ADM2: variants seen among roughly 807,000 people sequenced by gnomAD.
The protein encoded by ADM2 is protein ADM2.
In ADM2, 5 loss-of-function variants were observed where a neutral mutation model predicts 7.1. The ratio of observed to expected loss-of-function variants is 0.71; its 90% CI spans 0.37 to 1.49. The LOEUF is 1.49. Ranked by LOEUF, ADM2 falls within the 40% of genes most tolerant of loss-of-function variation. The pLI is 0.03. For synonymous variants in ADM2, 123 were observed against 92.8 expected (o/e 1.33, Z -1.87); for missense variants, 236 against 211.2 (o/e 1.12, Z -0.73).
In ADM2 at chr22:50,482,706, G is replaced by A; in HGVS notation, c.250G>A (p.Asp84Asn). The A allele has an allele frequency of 6.2e-7, 1 of 1,605,754 alleles. No individual in the cohort carries two copies. Among genetic ancestry groups the A allele is most frequent in the African/African-American group, 1.3e-5 (1 of 74,926 alleles). ...CCCTGTTATGGGTCAGCCTCTCCGGGATGGTGGCCGCCAACACTCGGGCCC... is the reference window on the plus strand; with the variant it reads ...CCCTGTTATGGGTCAGCCTCTCCGGAATGGTGGCCGCCAACACTCGGGCCC... ...LAPVMGQPLR[D>N]GGRQHSGPRR... The change falls in exon 3 of 3, where the codon GAT (aspartate) becomes AAT (asparagine). Residue 84 changes from aspartate (D) to asparagine (N), a missense_variant. Physicochemically the swap from Asp to Asn is conservative, Grantham distance 23. Coordinates refer to ENST00000395737, the MANE Select transcript of ADM2 (RefSeq NM_001253845.2).
rs549934034 is a variant in ADM2 at position 50,481,907 on chromosome 22, T to A, written c.60T>A (p.Pro20=). 8.4e-5 allele frequency: 129 copies of A among 1,534,872 alleles called. 3 individuals carry two copies. In the South Asian group the frequency reaches 1.4e-3, roughly 17 times the overall value. ...TCAGCCTCCTCTGCCTGCAGCTCCC[T>A]GGCTCGCTGTCCCGCAGCCTGGGCG... ...GCISLLCLQL[P]GSLSRSLGGD... Residue 20 remains proline (P), a synonymous_variant, in exon 2 of 3, where the codon CCT becomes CCA. Coordinates refer to ENST00000395737, the MANE Select transcript of ADM2 (RefSeq NM_001253845.2).
At position 50,482,887 on chromosome 22, in the gene ADM2, C is replaced by A. The variant is rs765964730; in HGVS notation, c.431C>A (p.Pro144His). ...TCAGCTCCTGTGGACCCCAGCAGCCCCCACAGCTATGGCTGAGGTGGGGCC... is the reference window on the plus strand; with the variant it reads ...TCAGCTCCTGTGGACCCCAGCAGCCACCACAGCTATGGCTGAGGTGGGGCC... ...QDSAPVDPSS[P>H]HSYG The change falls in exon 3 of 3, where the codon CCC becomes CAC. Residue 144 changes from proline to histidine, a missense_variant. Pro to His is a moderately conservative substitution (Grantham distance 77). Coordinates refer to ENST00000395737, the MANE Select transcript of ADM2 (RefSeq NM_001253845.2). 1 of 1,600,244 alleles carries A rather than the reference C, an allele frequency of 6.2e-7. No homozygotes were observed. Among genetic ancestry groups the A allele is most frequent in the East Asian group, 2.2e-5 (1 of 44,556 alleles).
rs545702068 is a variant in ADM2, at chr22:50,481,734, C to T, written c.-41C>T. ...GTGCCCAGCTTGCCACGCCCACGCC[C>T]GGCGCCCCGACCGCGGAGGACTCCC... On this transcript the variant is annotated 5_prime_UTR_variant, in exon 1 of 3. Transcript: ENST00000395737. 528 of 611,420 alleles carry T rather than the reference C, an allele frequency of 8.6e-4. 1 individual carries two copies. The African/African-American group carries it at 8.9e-3, about 10-fold the overall frequency. 37.9% of individuals were successfully genotyped at this position (611,420 alleles called of 1,614,324 possible).
chr22:50,482,354 C>G (rs990181531), intron 2 of ADM2, among the ~76,000 whole-genome samples: 2 of 152,128 alleles, frequency 1.3e-5, no homozygotes, highest in African/African-American at 4.8e-5. Flanking sequence ...GGTGCCGGTT[C>G]CCGGGACACG....
At position 50,485,439 on chromosome 22, in the gene ADM2, C is replaced by T. The variant is rs9628167; in HGVS notation, c.*2536C>T. On this transcript the variant is annotated 3_prime_UTR_variant, in exon 3 of 3. Coordinates refer to ENST00000395737, the MANE Select transcript of ADM2 (RefSeq NM_001253845.2). ...CCTATCCAGACACCTTCTCCTGACC[C>T]AGGCACCACCTGCTTTCGGGGCGAT... is the stretch of plus-strand genomic sequence containing the variant. 7,111 of 152,880 alleles carry T rather than the reference C, an allele frequency of 0.047. 416 individuals are homozygous for T. Among genetic ancestry groups the T allele is most frequent in the African/African-American group, 0.13 (5,444 of 41,554 alleles). 9.5% of individuals were successfully genotyped at this position (152,880 alleles called of 1,614,324 possible). A position where few individuals can be genotyped will look rare whatever the true frequency, so the allele number is the denominator to read the frequency against.
Position 50,482,752 on chromosome 22 carries a change from G to A in ADM2, c.296G>A (p.Arg99His), listed in dbSNP as rs560874783. 44 of 1,600,584 alleles carry A rather than the reference G, an allele frequency of 2.7e-5. No individual in the cohort carries two copies. The highest frequency in any genetic ancestry group is 1.7e-4 in the Middle Eastern group (1 of 6,026). The part of the protein sequence containing the change: ...HSGPRRHSGP[R>H]RTQAQLLRVG... ...GGCCCCCGAAGACACTCGGGCCCCC[G>A]CAGGACCCAAGCCCAGCTCCTGCGA... The change falls in exon 3 of 3, where the codon CGC (arginine) becomes CAC (histidine). Residue 99 changes from arginine (R) to histidine (H), a missense_variant. Coordinates refer to ENST00000395737, the MANE Select transcript of ADM2 (RefSeq NM_001253845.2).
chr22:50,482,065 T>A, intron 2 of ADM2, 108 bp downstream of exon 2: 1 of 1,049,932 alleles, frequency 9.5e-7, no homozygotes, highest in Non-Finnish European at 1.4e-6. Context: ...CTGCTAGGAC[T>A]CCCCTCCCAA....
chr22:50,482,478 C>T, intron 2 of ADM2, 89 bp from the exon 3 acceptor site: 1 of 1,426,674 alleles, frequency 7.0e-7, no homozygotes, highest in Non-Finnish European at 9.1e-7. Context: ...CTGGCAGTGA[C>T]CCAGGCCTGT....
chr22:50,482,024 CG>C, intron 2 of ADM2, 67 bp downstream of exon 2: 5 of 1,392,532 alleles, frequency 3.6e-6, no homozygotes, highest in East Asian at 2.8e-5. Context: ...CCGGGGGCCG[CG>C]GGGCCGCCCT....
At position 50,482,872 on chromosome 22, in the gene ADM2, T is replaced by C. The variant is rs1266981653; in HGVS notation, c.416T>C (p.Val139Ala). The C allele has an allele frequency of 6.2e-7, 1 of 1,603,952 alleles. No homozygotes were observed. Among genetic ancestry groups the C allele is most frequent in the Non-Finnish European group, 8.5e-7 (1 of 1,178,590 alleles). Residue 139 changes from valine to alanine, a missense_variant, in exon 3 of 3, where the codon GTG becomes GCG. By Grantham distance (64) the Val-to-Ala change is moderately conservative. Transcript: ENST00000395737. ...GPAGRQDSAP[V>A]DPSSPHSYG ...GCCGGCCGGCAGGACTCAGCTCCTG[T>C]GGACCCCAGCAGCCCCCACAGCTAT... is the stretch of plus-strand genomic sequence containing the variant.
Position 50,481,938 on chromosome 22 carries a change from C to T in ADM2, c.91C>T (p.Pro31Ser). The T allele has an allele frequency of 1.3e-6, 2 of 1,536,744 alleles. No homozygotes were observed. The highest frequency in any genetic ancestry group is 1.8e-6 in the Non-Finnish European group (2 of 1,142,832). ...GSLSRSLGGD[P>S]RPVKPREPPA... ...GCTGTCCCGCAGCCTGGGCGGGGAC[C>T]CGCGACCCGTCAAACCCAGGTGAGT... The change falls in exon 2 of 3, where the codon CCG becomes TCG. Residue 31 changes from proline to serine, a missense_variant. Physicochemically the swap from Pro to Ser is moderately conservative, Grantham distance 74. Transcript: ENST00000395737.
rs1260227774 is a variant in ADM2 at position 50,481,606 on chromosome 22, C to T, written c.-169C>T. 2 of 248,138 alleles carry T rather than the reference C, an allele frequency of 8.1e-6. No homozygotes were observed. Among genetic ancestry groups the T allele is most frequent in the Non-Finnish European group, 1.5e-5 (2 of 131,850 alleles). 15.4% of individuals were successfully genotyped at this position (248,138 alleles called of 1,614,324 possible). A position where few individuals can be genotyped will look rare whatever the true frequency, so the allele number is the denominator to read the frequency against. On this transcript the variant is annotated 5_prime_UTR_variant, in exon 1 of 3. Transcript: ENST00000395737. ...GGCCGCGACTCCGCTCCAGGCAGGACCCCCAACCCGCCCAGCCCGCTCCGC... is the reference window on the plus strand; with the variant it reads ...GGCCGCGACTCCGCTCCAGGCAGGATCCCCAACCCGCCCAGCCCGCTCCGC...
Position 50,482,847 on chromosome 22 carries a change from G to C in ADM2, c.391G>C (p.Ala131Pro), listed in dbSNP as rs749525166. The change falls in exon 3 of 3, where the codon GCC becomes CCC. Residue 131 changes from alanine to proline, a missense_variant. Transcript: ENST00000395737. Reference protein sequence around the residue: ...SHRLWQLMGPAGRQDSAPVDP... With the variant: ...SHRLWQLMGPPGRQDSAPVDP... The stretch of plus-strand genomic sequence containing the variant: ...CCGCCTGTGGCAACTCATGGGACCG[G>C]CCGGCCGGCAGGACTCAGCTCCTGT... 6.2e-6 allele frequency: 10 copies of C among 1,605,990 alleles called. No individual in the cohort carries two copies. Among genetic ancestry groups the C allele is most frequent in the Non-Finnish European group, 8.5e-6 (10 of 1,178,550 alleles).
rs2068249076 is a variant in ADM2 at position 50,485,137 on chromosome 22, C to A, written c.*2234C>A. ...TGAGCTGAGATTGCGCCATTGCACT[C>A]CAGCCTGGGCAACAAGAGCAAAATT... On this transcript the variant is annotated 3_prime_UTR_variant, in exon 3 of 3. Transcript: ENST00000395737. 6.6e-6 allele frequency: 1 copy of A among 152,310 alleles called. No individual in the cohort carries two copies. The highest frequency in any genetic ancestry group is 1.9e-4 in the East Asian group (1 of 5,212). 9.4% of individuals were successfully genotyped at this position (152,310 alleles called of 1,614,324 possible). A position where few individuals can be genotyped will look rare whatever the true frequency, so the allele number is the denominator to read the frequency against.
rs1211393330 is a variant in ADM2, at chr22:50,482,188, C to G, written c.110+231C>G. On this transcript the variant is annotated intron_variant, in intron 2 of 2. Coordinates refer to ENST00000395737, the MANE Select transcript of ADM2 (RefSeq NM_001253845.2). The stretch of plus-strand genomic sequence containing the variant: ...TCCCCACACACATGGGCACAGCAGC[C>G]CCTCTTCTGGGGGTGTCTGCTGGGG... Among the ~76,000 whole-genome samples, 8 of 152,316 alleles carry G rather than the reference C, an allele frequency of 5.3e-5. No homozygotes were observed. The East Asian group carries it at 1.5e-3, about 29-fold the overall frequency.
Position 50,483,520 on chromosome 22 carries a change from T to C in ADM2, c.*617T>C. 1.1e-5 allele frequency: 4 copies of C among 348,004 alleles called. No homozygotes were observed. The highest frequency in any genetic ancestry group is 8.4e-5 in the South Asian group (4 of 47,404). The allele number at this position is 348,004 out of a possible 1,614,324, so 21.6% of individuals were successfully genotyped here. On this transcript the variant is annotated 3_prime_UTR_variant, in exon 3 of 3. Transcript: ENST00000395737. ...CCGAGGTGGCCATGGAGACTCCACC[T>C]GGATCCCCTGTAGGAGGCCAGGGAG...
At chr22:50,482,476 G>A in intron 2 of ADM2, 91 bp from the exon 3 acceptor site, 1 of 1,417,998 alleles carries the variant, frequency 7.1e-7, no homozygotes, top group Non-Finnish European at 9.2e-7. Context: ...CCCTGGCAGT[G>A]ACCCAGGCCT....
intron 2 of ADM2, among the ~76,000 whole-genome samples, chr22:50,482,317 G>GCCGC (rs1556445585): frequency 2.6e-5 from 4 of 152,186 alleles, no homozygotes; most frequent in Non-Finnish European, 4.4e-5. Flanking sequence ...CAGAGGCTGG[G>GCCGC]CCGCCGGGGT....
intron 2 of ADM2, 109 bp from the exon 3 acceptor site, chr22:50,482,458 T>C: frequency 7.1e-7 from 1 of 1,404,456 alleles, no homozygotes; most frequent in Non-Finnish European, 9.2e-7. Flanking sequence ...ATGGGGGCTG[T>C]GGGCTTCCCC....
Sources: allele counts gnomAD v4.1 joint callset (sites outside exome capture counted in the v4.1 genomes callset), GRCh38; gene constraint gnomAD v4.1.1; transcripts MANE v1.5; gene names NCBI Gene and HGNC (gene_info 2026-07-23, HGNC 2026-07-21).